Variants in CSMD1 observed in about 807,000 individuals in gnomAD.
The protein encoded by CSMD1 is CUB and sushi domain-containing protein 1.
Under a neutral mutation model 417.5 loss-of-function variants are expected in CSMD1, and 213 were observed. The ratio of observed to expected loss-of-function variants is 0.51; its 90% CI spans 0.46 to 0.57. CSMD1 has a LOEUF of 0.57. Among genes scored for constraint, CSMD1 ranks in the 20% least tolerant of loss-of-function variants. CSMD1 has a pLI of 0.00. For synonymous variants in CSMD1, 2,862 were observed against 1,736.8 expected (o/e 1.65, Z -16.11); for missense variants, 6,923 against 4,529.7 (o/e 1.53, Z -15.17).
chr8:3,611,084 G>C (rs370429722), intron 8 of CSMD1, among the ~76,000 whole-genome samples: 2 of 107,596 alleles, frequency 1.9e-5, no homozygotes, highest in South Asian at 7.9e-4. Context: ...AACTGTTGTG[G>C]GGTGGGGGGA....
intron 1 of CSMD1, among the ~76,000 whole-genome samples, chr8:4,775,678 G>C (rs1392109105): frequency 6.6e-6 from 1 of 152,106 alleles, no homozygotes; most frequent in African/African-American, 2.4e-5. Flanking sequence ...TAAGAGGAAA[G>C]ACTGCTGGAC....
chr8:4,968,160 T>A (rs1810003483), intron 1 of CSMD1, among the ~76,000 whole-genome samples: 1 of 152,304 alleles, frequency 6.6e-6, no homozygotes, highest in Admixed American at 6.5e-5. Flanking sequence ...AATGCCATAC[T>A]TCTGAAATAG....
rs773439188 is a variant in CSMD1 at position 3,162,234 on chromosome 8, G to A, written c.5769C>T (p.Asn1923=). Reference sequence around the variant, plus strand: ...TGTACCGATCTCCGATTTTGATGCTGTTGCTGGGGAGGGCTGGTTCTTGGC... The same window carrying A: ...TGTACCGATCTCCGATTTTGATGCTATTGCTGGGGAGGGCTGGTTCTTGGC... ...AACQEPALPS[N]SIKIGDRYMV... is the part of the protein sequence containing the mutation. The change falls in exon 38 of 70, where the codon AAC becomes AAT. Residue 1923 remains asparagine, a synonymous_variant. Coordinates refer to ENST00000635120, the MANE Select transcript of CSMD1 (RefSeq NM_033225.6). 5 of 1,611,466 alleles carry A rather than the reference G, an allele frequency of 3.1e-6. No individual in the cohort carries two copies. Among genetic ancestry groups the A allele is most frequent in the Non-Finnish European group, 3.4e-6 (4 of 1,178,862 alleles).
chr8:4,222,459 G>A (rs561157545), intron 3 of CSMD1, among the ~76,000 whole-genome samples: 1 of 151,998 alleles, frequency 6.6e-6, no homozygotes, highest in Non-Finnish European at 1.5e-5. Context: ...GTAGTACCTG[G>A]TCCGTCATAT....
At chr8:4,000,367 T>C (rs772043361) in intron 4 of CSMD1, among the ~76,000 whole-genome samples, 4 of 152,240 alleles carry the variant, frequency 2.6e-5, no homozygotes, top group Non-Finnish European at 5.9e-5. Context: ...TGATCATACA[T>C]ATACAGTTCC....
rs574753885 is a variant in CSMD1 at position 4,441,147 on chromosome 8, A to C, written c.303-21082T>G. Among the ~76,000 whole-genome samples the C allele has an allele frequency of 3.1e-5, 3 of 96,176 alleles. 1 individual carries two copies. In the South Asian group the frequency reaches 1.2e-3, roughly 39 times the overall value. The allele number at this position is 96,176 out of a possible 152,430, so 63.1% of individuals were successfully genotyped here. On this transcript the variant is annotated intron_variant, in intron 2 of 69. Coordinates refer to ENST00000635120, the MANE Select transcript of CSMD1 (RefSeq NM_033225.6). Reference sequence around the variant, plus strand: ...AGATAGGGTCTCTGTCACCTAAGCTAGAGTGCAGTGGTACAACCTTGGTTC... The same window carrying C: ...AGATAGGGTCTCTGTCACCTAAGCTCGAGTGCAGTGGTACAACCTTGGTTC...
intron 6 of CSMD1, among the ~76,000 whole-genome samples, chr8:3,708,928 A>G (rs1451815139): frequency 6.6e-6 from 1 of 152,150 alleles, no homozygotes; most frequent in Admixed American, 6.5e-5. Flanking sequence ...ATGTATTCAT[A>G]TATTCATTTA....
At chr8:4,420,532 A>AT (rs537870176) in intron 2 of CSMD1, among the ~76,000 whole-genome samples, 1 of 151,958 alleles carries the variant, frequency 6.6e-6, no homozygotes. Flanking sequence ...ACTATTTTTA[A>AT]TTTTTTTCTA....
intron 3 of CSMD1, among the ~76,000 whole-genome samples, chr8:4,340,918 G>C (rs934736625): frequency 7.9e-5 from 12 of 152,016 alleles, no homozygotes; most frequent in African/African-American, 1.9e-4. Context: ...AACTCAAGCG[G>C]AGAGATTTCT....
chr8:4,237,280 A>G (rs1236166690), intron 3 of CSMD1, among the ~76,000 whole-genome samples: 1 of 152,206 alleles, frequency 6.6e-6, no homozygotes, highest in Non-Finnish European at 1.5e-5. Context: ...GAGGGTGTTT[A>G]TATTAAGAAA....
chr8:3,378,254 T>C (rs775338278), intron 18 of CSMD1, among the ~76,000 whole-genome samples: 23 of 152,306 alleles, frequency 1.5e-4, no homozygotes, highest in Admixed American at 2.6e-4. Flanking sequence ...GAAGCAGTAA[T>C]TAATAGCCTA....
At chr8:3,829,839 C>G (rs894887098) in intron 5 of CSMD1, among the ~76,000 whole-genome samples, 1 of 152,046 alleles carries the variant, frequency 6.6e-6, no homozygotes, top group Non-Finnish European at 1.5e-5. Context: ...TTTAAGAAAG[C>G]TCTTTTTGAA....
At chr8:4,151,954 G>T (rs1280701114) in intron 3 of CSMD1, among the ~76,000 whole-genome samples, 1 of 152,132 alleles carries the variant, frequency 6.6e-6, no homozygotes, top group African/African-American at 2.4e-5. Flanking sequence ...ATCAATGGGA[G>T]GTGTAAGCAG....
chr8:3,335,982 T>G (rs1306749311), intron 23 of CSMD1, among the ~76,000 whole-genome samples: 1 of 152,154 alleles, frequency 6.6e-6, no homozygotes, highest in Admixed American at 6.5e-5. Flanking sequence ...CTAATTTACA[T>G]GCAGAGGACG....
chr8:3,307,871 T>C lies in CSMD1; in HGVS notation c.3824-50A>G, dbSNP rs568081826. 4.5e-5 allele frequency: 72 copies of C among 1,583,796 alleles called. No homozygotes were observed. In the African/African-American group the frequency reaches 8.5e-4, roughly 19 times the overall value. ...AACGTTCAGCTTCAGGCATCACATG[T>C]TTCTATTTAGCTACTTTTCAAAACC... On this transcript the variant is annotated intron_variant, in intron 24 of 69. Coordinates refer to ENST00000635120, the MANE Select transcript of CSMD1 (RefSeq NM_033225.6).
At chr8:4,115,888 G>C (rs563538578) in intron 3 of CSMD1, among the ~76,000 whole-genome samples, 18 of 152,200 alleles carry the variant, frequency 1.2e-4, no homozygotes, top group African/African-American at 4.1e-4. Flanking sequence ...AAAACAGGAA[G>C]ACAGAAGAAA....
chr8:3,812,536 C>T (rs991563127), intron 5 of CSMD1, among the ~76,000 whole-genome samples: 3 of 152,178 alleles, frequency 2.0e-5, no homozygotes, highest in Admixed American at 6.5e-5. Context: ...AGTTCAAAAG[C>T]TAAGCTGAAA....
At chr8:4,131,577 A>G (rs1585383426) in intron 3 of CSMD1, among the ~76,000 whole-genome samples, 1 of 152,152 alleles carries the variant, frequency 6.6e-6, no homozygotes, top group East Asian at 1.9e-4. Context: ...ATATATTGAT[A>G]AACTGCATAG....
intron 4 of CSMD1, among the ~76,000 whole-genome samples, chr8:4,028,502 A>G (rs1026059038): frequency 6.6e-6 from 1 of 151,874 alleles, no homozygotes; most frequent in Non-Finnish European, 1.5e-5. Context: ...CATTTTACAA[A>G]AAAAGGAAAA....
Sources: allele counts gnomAD v4.1 joint callset (sites outside exome capture counted in the v4.1 genomes callset), GRCh38; gene constraint gnomAD v4.1.1; transcripts MANE v1.5; gene names NCBI Gene and HGNC (gene_info 2026-07-23, HGNC 2026-07-21).